CHRM5: variants seen among roughly 807,000 people sequenced by gnomAD.
CHRM5 encodes muscarinic acetylcholine receptor M5.
Under a neutral mutation model 39.0 loss-of-function variants are expected in CHRM5, and 18 were observed. The ratio of observed to expected loss-of-function variants is 0.46; its 90% CI spans 0.32 to 0.68. CHRM5 has a LOEUF of 0.68. Among genes scored for constraint, CHRM5 ranks in the 30% least tolerant of loss-of-function variants. The pLI is 0.04. For missense variants in CHRM5, 515 were observed against 651.1 expected, an observed-to-expected ratio of 0.79 and a Z score of 2.28; for synonymous variants, 241 against 246.3, an observed-to-expected ratio of 0.98 and a Z score of 0.20.
chr15:34,032,097 A>T (rs1898880254), intron 1 of CHRM5, among the ~76,000 whole-genome samples: 1 of 152,166 alleles, frequency 6.6e-6, no homozygotes, highest in Non-Finnish European at 1.5e-5. Context: ...TGCCGTAATA[A>T]GTTAGTCAGT....
Position 34,062,953 on chromosome 15 carries a change from T to C in CHRM5, c.236T>C (p.Ile79Thr), listed in dbSNP as rs1233307744. ...AGCTTAGCCTGTGCAGATCTCATCA[T>C]TGGAATCTTCTCCATGAACCTCTAC... Reference protein sequence around the residue: ...LLSLACADLIIGIFSMNLYTT... With the variant: ...LLSLACADLITGIFSMNLYTT... The change falls in exon 3 of 3, where the codon ATT (isoleucine) becomes ACT (threonine). Residue 79 changes from isoleucine (I) to threonine (T), a missense_variant. Physicochemically the swap from Ile to Thr is moderately conservative, Grantham distance 89 (BLOSUM62 -1). Coordinates refer to ENST00000383263, the MANE Select transcript of CHRM5 (RefSeq NM_012125.4). 1.4e-5 allele frequency: 22 copies of C among 1,613,878 alleles called. No homozygotes were observed. The highest frequency in any genetic ancestry group is 1.4e-5 in the Non-Finnish European group (17 of 1,179,986).
chr15:34,047,080 T>TTC (rs974166779), intron 2 of CHRM5, among the ~76,000 whole-genome samples: 2 of 151,248 alleles, frequency 1.3e-5, no homozygotes, highest in African/African-American at 2.4e-5. Flanking sequence ...TTGGTTTTTT[T>TTC]TTTTTTCTTT....
At chr15:34,038,312 T>A (rs1042741693) in intron 1 of CHRM5, among the ~76,000 whole-genome samples, 2 of 152,222 alleles carry the variant, frequency 1.3e-5, no homozygotes, top group Admixed American at 6.5e-5. Context: ...GTACTAGGCA[T>A]TGCACAGACA....
At chr15:33,973,499 G>A (rs1895729176) in intron 1 of CHRM5, among the ~76,000 whole-genome samples, 1 of 152,064 alleles carries the variant, frequency 6.6e-6, no homozygotes, top group Non-Finnish European at 1.5e-5. Flanking sequence ...TCATGCCTAG[G>A]AACTTCCCCA....
At chr15:34,025,798 C>T (rs931512352) in intron 1 of CHRM5, among the ~76,000 whole-genome samples, 3 of 143,658 alleles carry the variant, frequency 2.1e-5, no homozygotes, top group East Asian at 1.9e-4. Flanking sequence ...ATGTGTAAAG[C>T]GGAGGAAGGA....
chr15:34,016,609 A>G (rs1286391977), intron 1 of CHRM5, among the ~76,000 whole-genome samples: 2 of 152,218 alleles, frequency 1.3e-5, no homozygotes, highest in East Asian at 3.9e-4. Flanking sequence ...TTTTTGATCC[A>G]GTCAACAAAC....
In CHRM5 at chr15:34,062,827, C is replaced by A. The variant is rs772868482; in HGVS notation, c.110C>A (p.Thr37Asn). ...LWEVITIAAV[T>N]AVVSLITIVG... is the part of the protein sequence containing the mutation. ...GAAGTCATCACCATTGCAGCTGTGACTGCTGTGGTAAGCCTGATCACCATT... is the reference window on the plus strand; with the variant it reads ...GAAGTCATCACCATTGCAGCTGTGAATGCTGTGGTAAGCCTGATCACCATT... The change falls in exon 3 of 3, where the codon ACT becomes AAT. Residue 37 changes from threonine to asparagine, a missense_variant. Transcript: ENST00000383263. The A allele has an allele frequency of 1.2e-6, 2 of 1,614,242 alleles. No individual in the cohort carries two copies. Among genetic ancestry groups the A allele is most frequent in the Admixed American group, 3.3e-5 (2 of 60,028 alleles).
chr15:34,030,577 C>T lies in CHRM5; in HGVS notation c.-407-15963C>T, dbSNP rs181376080. ...TAGGCTGACCTTGTGATCCACCCGC[C>T]TCAGCCTCCCAAAATGCTGGGATTA... On this transcript the variant is annotated intron_variant, in intron 1 of 2. Transcript: ENST00000383263. 3.3e-3 allele frequency among the ~76,000 whole-genome samples: 499 copies of T among 152,106 alleles called. 2 individuals carry two copies. The highest frequency in any genetic ancestry group is 0.011 in the African/African-American group (477 of 41,490).
chr15:33,997,796 T>G lies in CHRM5; in HGVS notation c.-408+28646T>G, dbSNP rs534719724. Among the ~76,000 whole-genome samples, 3 of 152,320 alleles carry G rather than the reference T, an allele frequency of 2.0e-5. No individual in the cohort carries two copies. The East Asian group carries it at 5.8e-4, about 29-fold the overall frequency. ...TTGCATTTGCTCTGCTAAACTGTAA[T>G]CATGATTAAGTCCTACCCTTCCGTC... On this transcript the variant is annotated intron_variant, in intron 1 of 2. Transcript: ENST00000383263.
intron 1 of CHRM5, among the ~76,000 whole-genome samples, chr15:34,029,589 T>C (rs576792626): frequency 1.3e-5 from 2 of 149,562 alleles, no homozygotes; most frequent in East Asian, 2.0e-4. Flanking sequence ...TACATATTCA[T>C]AGTACTACTG....
rs569182928 is a variant in CHRM5 at position 33,968,795 on chromosome 15, G to A, written c.-763G>A. 5 of 152,152 alleles carry A rather than the reference G, an allele frequency of 3.3e-5. No individual in the cohort carries two copies. The highest frequency in any genetic ancestry group is 1.2e-4 in the African/African-American group (5 of 41,560). The allele number at this position is 152,152 out of a possible 1,614,324, so 9.4% of individuals were successfully genotyped here. A position where few individuals can be genotyped will look rare whatever the true frequency, so the allele number is the denominator to read the frequency against. ...AATACGAACAAGCAGAACTTTTCCAGGGGGTCAAATGCATATAGGAACAAC... is the reference window on the plus strand; with the variant it reads ...AATACGAACAAGCAGAACTTTTCCAAGGGGTCAAATGCATATAGGAACAAC... On this transcript the variant is annotated 5_prime_UTR_variant, in exon 1 of 3. Transcript: ENST00000383263.
chr15:34,047,498 C>T (rs1899752055), intron 2 of CHRM5, among the ~76,000 whole-genome samples: 1 of 152,146 alleles, frequency 6.6e-6, no homozygotes, highest in Non-Finnish European at 1.5e-5. Context: ...TCTGCAGGCC[C>T]CACTTCCCTG....
At position 33,975,122 on chromosome 15, in the gene CHRM5, T is replaced by C. The variant is rs538844086; in HGVS notation, c.-408+5972T>C. Among the ~76,000 whole-genome samples the C allele has an allele frequency of 3.9e-5, 6 of 152,330 alleles. No homozygotes were observed. The East Asian group carries it at 7.7e-4, about 20-fold the overall frequency. ...CCTGGTTGGGTTGAGACAGAAAGCT[T>C]AGAGCCCGCAGGTCCCCTTCTCACC... is the stretch of plus-strand genomic sequence containing the variant. On this transcript the variant is annotated intron_variant, in intron 1 of 2. Coordinates refer to ENST00000383263, the MANE Select transcript of CHRM5 (RefSeq NM_012125.4).
At chr15:33,995,857 C>T (rs947336020) in intron 1 of CHRM5, among the ~76,000 whole-genome samples, 17 of 152,278 alleles carry the variant, frequency 1.1e-4, no homozygotes, top group African/African-American at 3.6e-4. Flanking sequence ...CCACGGAGGG[C>T]GAGCTGAAGC....
chr15:34,027,705 G>A (rs796930994), intron 1 of CHRM5, among the ~76,000 whole-genome samples: 10 of 151,630 alleles, frequency 6.6e-5, no homozygotes, highest in African/African-American at 2.4e-4. Flanking sequence ...AGGCCTTGAC[G>A]TTATCCACCA....
At chr15:34,058,560 A>ACACACG in intron 2 of CHRM5, among the ~76,000 whole-genome samples, 1 of 140,344 alleles carries the variant, frequency 7.1e-6, no homozygotes, top group South Asian at 2.2e-4. Flanking sequence ...ATTCTAACAC[A>ACACACG]CACACACACA....
rs531701266 is a variant in CHRM5, at chr15:34,019,864, C to T, written c.-407-26676C>T. On this transcript the variant is annotated intron_variant, in intron 1 of 2. Transcript: ENST00000383263. ...AACGACATGTTTCTCAGACTATATC[C>T]CCATTAAGCAATACATGACTATTTA... Among the ~76,000 whole-genome samples the T allele has an allele frequency of 1.8e-4, 28 of 152,196 alleles. No homozygotes were observed. In the South Asian group the frequency reaches 5.8e-3, roughly 32 times the overall value.
rs535169164 is a variant in CHRM5 at position 33,986,384 on chromosome 15, C to A, written c.-408+17234C>A. On this transcript the variant is annotated intron_variant, in intron 1 of 2. Transcript: ENST00000383263. Reference sequence around the variant, plus strand: ...TCGGCCTCCCAAAGTGCTGGGATTACAGGCGTAAGCCACCGCGCCCGGCCC... The same window carrying A: ...TCGGCCTCCCAAAGTGCTGGGATTAAAGGCGTAAGCCACCGCGCCCGGCCC... 3.3e-5 allele frequency among the ~76,000 whole-genome samples: 5 copies of A among 152,114 alleles called. No individual in the cohort carries two copies. In the East Asian group the frequency reaches 9.7e-4, roughly 30 times the overall value.
chr15:34,034,409 C>A (rs1460751163), intron 1 of CHRM5, among the ~76,000 whole-genome samples: 3 of 149,214 alleles, frequency 2.0e-5, no homozygotes, highest in African/African-American at 7.4e-5. Context: ...CTACTGCACT[C>A]CAGCGTGAGC....
Sources: gnomAD v4.1 joint callset for allele counts (sites outside exome capture counted in the v4.1 genomes callset) on GRCh38, gnomAD v4.1.1 for gene constraint, MANE v1.5 for transcripts, NCBI Gene and HGNC (gene_info 2026-07-23, HGNC 2026-07-21) for gene names.